The following ORC2 variants were observed in gnomAD, a reference collection of about 807,000 sequenced individuals.
ORC2 encodes origin recognition complex subunit 2, also known as origin recognition complex protein 2 homolog.
In ORC2, 37 loss-of-function variants were observed where a neutral mutation model predicts 77.7. The observed-to-expected ratio is 0.48, with a 90% CI of 0.37 to 0.63. The LOEUF (loss-of-function observed/expected upper bound fraction) is 0.63. Among genes scored for constraint, ORC2 ranks in the 20% least tolerant of loss-of-function variants. The probability of loss-of-function intolerance (pLI) is 0.00; values close to 1 mark genes in which losing one functional copy is unlikely to be tolerated. For missense variants in ORC2, 557 were observed against 661.9 expected (o/e 0.84, Z 1.74); for synonymous variants, 201 against 229.5 (o/e 0.88, Z 1.12).
intron 5 of ORC2, among the ~76,000 whole-genome samples, chr2:200,947,304 T>C (rs1412510495): frequency 6.6e-6 from 1 of 152,252 alleles, no homozygotes; most frequent in Non-Finnish European, 1.5e-5. Context: ...AGTAATGTAT[T>C]TAATGTTACA....
chr2:200,921,665 C>G (rs2040764780), intron 13 of ORC2: 1 of 151,318 alleles, frequency 6.6e-6, no homozygotes, highest in Admixed American at 6.6e-5. Flanking sequence ...AAGACAAGTT[C>G]TGGCTCTGTT....
intron 8 of ORC2, 32 bp from the exon 9 acceptor site, chr2:200,935,924 T>G (rs1268166297): frequency 6.3e-7 from 1 of 1,591,826 alleles, no homozygotes. Flanking sequence ...TTTGGACAAT[T>G]TCATGGTTTG....
intron 10 of ORC2, 60 bp downstream of exon 10, chr2:200,933,816 G>A (rs975231603): frequency 7.5e-5 from 62 of 822,042 alleles, no homozygotes; most frequent in Middle Eastern, 2.7e-4. Context: ...TGTTGCTTAC[G>A]TAGCATATTT....
At chr2:200,911,881 G>C (rs2040556419) in intron 17 of ORC2, among the ~76,000 whole-genome samples, 1 of 152,170 alleles carries the variant, frequency 6.6e-6, no homozygotes, top group African/African-American at 2.4e-5. Context: ...TTCTCATTCA[G>C]CACAGTTTAA....
chr2:200,917,994 TTTA>T, intron 15 of ORC2, among the ~76,000 whole-genome samples: 1 of 152,284 alleles, frequency 6.6e-6, no homozygotes. Context: ...CTAATTTTTT[TTTA>T]TTATTTTTAG....
chr2:200,918,457 C>T (rs1165174246), intron 15 of ORC2, among the ~76,000 whole-genome samples: 1 of 151,842 alleles, frequency 6.6e-6, no homozygotes, highest in African/African-American at 2.4e-5. Flanking sequence ...CTCTGCTAGA[C>T]TTGCTTGTTC....
rs759402640 is a variant in ORC2 at position 200,911,265 on chromosome 2, A to G, written c.*36T>C. On this transcript the variant is annotated 3_prime_UTR_variant, in exon 18 of 18. Coordinates refer to ENST00000234296, the MANE Select transcript of ORC2 (RefSeq NM_006190.5). ...CTAGAGGAGTGGCAGCTGGGGTACA[A>G]CCCTTCCATGGGAGATTCAAGAATA... 8 of 1,272,270 alleles carry G rather than the reference A, an allele frequency of 6.3e-6. No individual in the cohort carries two copies. Among genetic ancestry groups the G allele is most frequent in the Non-Finnish European group, 6.9e-6 (6 of 870,324 alleles). 78.8% of individuals were successfully genotyped at this position (1,272,270 alleles called of 1,614,324 possible).
intron 1 of ORC2, among the ~76,000 whole-genome samples, chr2:200,961,266 C>T (rs1469440768): frequency 6.6e-6 from 1 of 152,110 alleles, no homozygotes; most frequent in African/African-American, 2.4e-5. Context: ...CTCACTGCAA[C>T]ATCTCACCTC....
chr2:200,953,594 C>G (rs1049296579), intron 4 of ORC2, among the ~76,000 whole-genome samples: 4 of 151,892 alleles, frequency 2.6e-5, no homozygotes, highest in Admixed American at 2.6e-4. Flanking sequence ...GGGTATAAAC[C>G]CCAAAGAATT....
At chr2:200,916,125 A>G (rs2040645017) in intron 15 of ORC2, among the ~76,000 whole-genome samples, 1 of 152,248 alleles carries the variant, frequency 6.6e-6, no homozygotes, top group Admixed American at 6.5e-5. Context: ...CAAAATTTCA[A>G]AATAGTTTAA....
intron 11 of ORC2, among the ~76,000 whole-genome samples, chr2:200,928,648 C>A (rs1056188646): frequency 6.6e-5 from 10 of 151,734 alleles, no homozygotes; most frequent in Middle Eastern, 6.8e-3. Context: ...CCTGTCTCTA[C>A]TAAAAATACA....
chr2:200,932,033 C>A (rs1045663614), intron 10 of ORC2, among the ~76,000 whole-genome samples: 1 of 152,122 alleles, frequency 6.6e-6, no homozygotes, highest in East Asian at 1.9e-4. Context: ...ATTCCACCAC[C>A]TTTCAAGTAA....
chr2:200,942,754 G>C lies in ORC2; in HGVS notation c.352C>G (p.Gln118Glu), dbSNP rs1332892380. 1.2e-6 allele frequency: 2 copies of C among 1,607,928 alleles called. No homozygotes were observed. The highest frequency in any genetic ancestry group is 1.7e-6 in the Non-Finnish European group (2 of 1,176,954). Residue 118 changes from glutamine (Q) to glutamate (E), a missense_variant, in exon 6 of 18, where the codon CAA (glutamine) becomes GAA (glutamate). Transcript: ENST00000234296. The part of the protein sequence containing the change: ...KLASELAKTP[Q>E]KSVSFSLKND... ...TTCAAACTGAATGAAACACTTTTTTGTGGTGTTTTTGCTAGTTCTGAAGCT... is the reference window on the plus strand; with the variant it reads ...TTCAAACTGAATGAAACACTTTTTTCTGGTGTTTTTGCTAGTTCTGAAGCT...
intron 13 of ORC2, among the ~76,000 whole-genome samples, chr2:200,922,928 T>A (rs2040783984): frequency 6.6e-6 from 1 of 152,194 alleles, no homozygotes; most frequent in Non-Finnish European, 1.5e-5. Context: ...ATTATAGGAA[T>A]AAATATTGCA....
At chr2:200,926,715 C>T (rs2040843529) in intron 12 of ORC2, 53 bp downstream of exon 12, 16 of 1,576,528 alleles carry the variant, frequency 1.0e-5, no homozygotes, top group Non-Finnish European at 1.3e-5. Context: ...TATGTGGGGG[C>T]TTGAATTGGC....
chr2:200,940,957 C>T (rs1298078432), intron 7 of ORC2, among the ~76,000 whole-genome samples: 1 of 152,106 alleles, frequency 6.6e-6, no homozygotes, highest in Admixed American at 6.6e-5. Context: ...AAACCCCAAA[C>T]ATTTTCAGGC....
intron 3 of ORC2, among the ~76,000 whole-genome samples, 181 bp from the exon 4 acceptor site, chr2:200,957,725 A>AC (rs567125868): frequency 9.1e-4 from 138 of 152,040 alleles, no homozygotes; most frequent in African/African-American, 2.2e-3. Flanking sequence ...TAAAAAAAAA[A>AC]ACACACACAA....
At chr2:200,928,492 T>A (rs1054726704) in intron 11 of ORC2, among the ~76,000 whole-genome samples, 1 of 151,906 alleles carries the variant, frequency 6.6e-6, no homozygotes, top group Non-Finnish European at 1.5e-5. Context: ...GACAGATGAC[T>A]GGAGGCAAGG....
At chr2:200,925,322 G>C (rs1012635375) in intron 13 of ORC2, among the ~76,000 whole-genome samples, 3 of 151,978 alleles carry the variant, frequency 2.0e-5, no homozygotes, top group African/African-American at 7.2e-5. Context: ...ACAGAAACAG[G>C]CTTTTGGATA....
Sources: allele counts gnomAD v4.1 joint callset (sites outside exome capture counted in the v4.1 genomes callset), GRCh38; gene constraint gnomAD v4.1.1; transcripts MANE v1.5; gene names NCBI Gene and HGNC (gene_info 2026-07-23, HGNC 2026-07-21).